Variants in ZSCAN20 observed in about 807,000 individuals in gnomAD.
ZSCAN20 encodes zinc finger and SCAN domain containing 20.
Under a neutral mutation model 97.1 loss-of-function variants are expected in ZSCAN20, and 39 were observed. That is an observed-to-expected ratio of 0.40 (90% CI 0.31 to 0.52). The LOEUF (loss-of-function observed/expected upper bound fraction) is 0.52, where lower values mean the gene tolerates loss of function less well. ZSCAN20 is among the 20% of genes least tolerant of loss of function. The pLI is 0.49. For synonymous variants in ZSCAN20, 456 were observed against 467.3 expected (o/e 0.98, Z 0.31); for missense variants, 1,115 against 1,290.4 (o/e 0.86, Z 2.08).
chr1:33,490,687 C>CAG (rs1652566782), intron 5 of ZSCAN20, among the ~76,000 whole-genome samples: 1 of 123,142 alleles, frequency 8.1e-6, no homozygotes, highest in Non-Finnish European at 1.8e-5. Context: ...ACACACACCA[C>CAG]ACACCCTTTT....
rs1018252983 is a variant in ZSCAN20 at position 33,488,671 on chromosome 1, T to C, written c.604+20T>C. Reference sequence around the variant, plus strand: ...AGAGTGGTGAGTACATCTGAGAACATTAGGGAATGAGGCCTTCTGCAGGGG... The same window carrying C: ...AGAGTGGTGAGTACATCTGAGAACACTAGGGAATGAGGCCTTCTGCAGGGG... On this transcript the variant is annotated intron_variant, in intron 3 of 7. Transcript: ENST00000684572. 6.3e-7 allele frequency: 1 copy of C among 1,599,588 alleles called. No homozygotes were observed. The highest frequency in any genetic ancestry group is 1.4e-5 in the African/African-American group (1 of 73,700).
intron 2 of ZSCAN20, among the ~76,000 whole-genome samples, chr1:33,485,585 T>TA (rs34203199): frequency 3.0e-3 from 57 of 18,922 alleles, no homozygotes; most frequent in South Asian, 0.011. Context: ...CTTTTGTATA[T>TA]TTTTTTTTTG....
At chr1:33,486,057 C>T (rs916780278) in intron 2 of ZSCAN20, among the ~76,000 whole-genome samples, 2 of 152,086 alleles carry the variant, frequency 1.3e-5, no homozygotes, top group African/African-American at 4.8e-5. Context: ...ATTTCTCTTC[C>T]GACAGTTAGG....
chr1:33,490,309 C>G (rs890386326), intron 5 of ZSCAN20, among the ~76,000 whole-genome samples: 1 of 152,188 alleles, frequency 6.6e-6, no homozygotes, highest in Non-Finnish European at 1.5e-5. Flanking sequence ...CCTTATACCT[C>G]TTTAAACCCT....
chr1:33,493,046 C>A lies in ZSCAN20; in HGVS notation c.1445-141C>A. The A allele has an allele frequency of 1.2e-6, 1 of 856,950 alleles. No individual in the cohort carries two copies. Among genetic ancestry groups the A allele is most frequent in the Non-Finnish European group, 1.8e-6 (1 of 566,938 alleles). 53.1% of individuals were successfully genotyped at this position (856,950 alleles called of 1,614,324 possible). ...GCTGTCCTAGCATGCCCCTGAGAAG[C>A]AAAGGGATATTCTCCAGGTACCTGG... On this transcript the variant is annotated intron_variant, in intron 6 of 7. Coordinates refer to ENST00000684572, the MANE Select transcript of ZSCAN20 (RefSeq NM_001377376.1). This position sits in a 1 kb window ranked among gnomAD's most constrained non-coding sequence, Gnocchi z 4.3.
Position 33,495,307 on chromosome 1 carries a change from A to C in ZSCAN20, c.2963A>C (p.Lys988Thr). ...ATTCATACGGGAGAGAAGCCGTATA[A>C]GTGCAGAGAGTGTGGGAAATGCTTT... ...QRIHTGEKPYKCRECGKCFNQ... is the reference protein window; with the variant it reads ...QRIHTGEKPYTCRECGKCFNQ... The change falls in exon 8 of 8, where the codon AAG (lysine) becomes ACG (threonine). Residue 988 changes from lysine to threonine, a missense_variant. Transcript: ENST00000684572. 6.2e-7 allele frequency: 1 copy of C among 1,612,850 alleles called. No individual in the cohort carries two copies. The highest frequency in any genetic ancestry group is 8.5e-7 in the Non-Finnish European group (1 of 1,179,268).
intron 2 of ZSCAN20, among the ~76,000 whole-genome samples, chr1:33,481,270 A>G (rs1652148101): frequency 6.6e-6 from 1 of 152,148 alleles, no homozygotes; most frequent in Admixed American, 6.5e-5. Context: ...TTAGGGCTTC[A>G]GAGTTGGGAC....
chr1:33,489,098 CT>C lies in ZSCAN20; in HGVS notation c.605-12del. On this transcript the variant is annotated splice_polypyrimidine_tract_variant and intron_variant, in intron 3 of 7. Coordinates refer to ENST00000684572, the MANE Select transcript of ZSCAN20 (RefSeq NM_001377376.1). ...GGAACCAGAGCTTGGGTTTCAGTGA[CT>C]TTTTCTTTTCCTCAGCTGTCCTCAC... 1 of 1,602,774 alleles carries C rather than the reference CT, an allele frequency of 6.2e-7. No individual in the cohort carries two copies. Among genetic ancestry groups the C allele is most frequent in the African/African-American group, 1.3e-5 (1 of 74,698 alleles).
chr1:33,474,713 G>C (rs1254326438), intron 1 of ZSCAN20, among the ~76,000 whole-genome samples: 1 of 152,094 alleles, frequency 6.6e-6, no homozygotes, highest in Non-Finnish European at 1.5e-5. Context: ...ATTTTGAGTT[G>C]GTTACCAACA....
chr1:33,482,157 A>G (rs1332692325), intron 2 of ZSCAN20, among the ~76,000 whole-genome samples: 1 of 152,228 alleles, frequency 6.6e-6, no homozygotes, highest in Non-Finnish European at 1.5e-5. Flanking sequence ...ACATAGTAAC[A>G]TGTATCTACC....
chr1:33,482,980 T>G (rs1196136684), intron 2 of ZSCAN20, among the ~76,000 whole-genome samples: 1 of 152,226 alleles, frequency 6.6e-6, no homozygotes, highest in Non-Finnish European at 1.5e-5. Context: ...ATCAGATATG[T>G]GTTTTGCAAA....
chr1:33,493,430 A>C lies in ZSCAN20; in HGVS notation c.1688A>C (p.Glu563Ala), dbSNP rs1652703804. ...CCACCAGGGACATGCCCTTTCTATG[A>C]GGAACTGGACTCGCTGATGAGGGCT... ...SHPPGTCPFY[E>A]ELDSLMRARA... The change falls in exon 7 of 8, where the codon GAG becomes GCG. Residue 563 changes from glutamate (E) to alanine (A), a missense_variant. Coordinates refer to ENST00000684572, the MANE Select transcript of ZSCAN20 (RefSeq NM_001377376.1). This position sits in a 1 kb window ranked among gnomAD's most constrained non-coding sequence, Gnocchi z 4.3. 6.2e-7 allele frequency: 1 copy of C among 1,614,178 alleles called. No homozygotes were observed.
chr1:33,491,956 A>G lies in ZSCAN20; in HGVS notation c.1444+254A>G. 2.7e-6 allele frequency: 1 copy of G among 365,558 alleles called. No individual in the cohort carries two copies. Among genetic ancestry groups the G allele is most frequent in the Non-Finnish European group, 4.9e-6 (1 of 204,362 alleles). 22.6% of individuals were successfully genotyped at this position (365,558 alleles called of 1,614,324 possible). The stretch of plus-strand genomic sequence containing the variant: ...CTCAAAGAGTGAATCCAGTATTTCC[A>G]AAAGTGTGTCACTGGTAGTATGGGA... On this transcript the variant is annotated intron_variant, in intron 6 of 7. Transcript: ENST00000684572. This position sits in a 1 kb window ranked among gnomAD's most constrained non-coding sequence, Gnocchi z 4.3.
rs761494083 is a variant in ZSCAN20 at position 33,494,357 on chromosome 1, T to C, written c.2013T>C (p.Asn671=). 6.2e-7 allele frequency: 1 copy of C among 1,613,960 alleles called. No homozygotes were observed. The highest frequency in any genetic ancestry group is 1.1e-5 in the South Asian group (1 of 91,066). Residue 671 remains asparagine, a synonymous_variant, in exon 8 of 8, where the codon AAT becomes AAC. Transcript: ENST00000684572. ...GGGGAGAAGACAGTGAAAATGAAAATGAAGATGAAGGGCAGTGGGGAAATC... is the reference window on the plus strand; with the variant it reads ...GGGGAGAAGACAGTGAAAATGAAAACGAAGATGAAGGGCAGTGGGGAAATC... The part of the protein sequence containing the change: ...LDWGEDSENE[N]EDEGQWGNPS...
chr1:33,493,036 C>A lies in ZSCAN20; in HGVS notation c.1445-151C>A. ...GCTCTGGCTGGCTGTCCTAGCATGC[C>A]CCTGAGAAGCAAAGGGATATTCTCC... is the stretch of plus-strand genomic sequence containing the variant. On this transcript the variant is annotated intron_variant, in intron 6 of 7. Coordinates refer to ENST00000684572, the MANE Select transcript of ZSCAN20 (RefSeq NM_001377376.1). This position sits in a 1 kb window ranked among gnomAD's most constrained non-coding sequence, Gnocchi z 4.3. The A allele has an allele frequency of 1.3e-6, 1 of 774,464 alleles. No individual in the cohort carries two copies. The highest frequency in any genetic ancestry group is 1.9e-5 in the South Asian group (1 of 52,672). 48.0% of individuals were successfully genotyped at this position (774,464 alleles called of 1,614,324 possible).
intron 1 of ZSCAN20, among the ~76,000 whole-genome samples, chr1:33,474,510 A>G (rs981679467): frequency 2.6e-5 from 4 of 152,192 alleles, no homozygotes; most frequent in African/African-American, 9.7e-5. Context: ...CTGTGTTTGT[A>G]AAGACATCTT....
At position 33,495,510 on chromosome 1, in the gene ZSCAN20, A is replaced by G. The variant is rs771523090; in HGVS notation, c.*34A>G. Reference sequence around the variant, plus strand: ...TTCCTCAACAACAAAGGAGGACTCAATGTATATATCTTATATCATAAGATG... The same window carrying G: ...TTCCTCAACAACAAAGGAGGACTCAGTGTATATATCTTATATCATAAGATG... On this transcript the variant is annotated 3_prime_UTR_variant, in exon 8 of 8. Transcript: ENST00000684572. 1.1e-5 allele frequency: 16 copies of G among 1,489,186 alleles called. No homozygotes were observed. The highest frequency in any genetic ancestry group is 1.8e-4 in the Middle Eastern group (1 of 5,558). 92.2% of individuals were successfully genotyped at this position (1,489,186 alleles called of 1,614,324 possible).
rs770233989 is a variant in ZSCAN20, at chr1:33,493,590, C to T, written c.1848C>T (p.Thr616=). 3 of 1,592,526 alleles carry T rather than the reference C, an allele frequency of 1.9e-6. No individual in the cohort carries two copies. Among genetic ancestry groups the T allele is most frequent in the South Asian group, 1.1e-5 (1 of 88,640 alleles). ...VANEDAVKPS[T]LCPKAPDMGF... is the part of the protein sequence containing the mutation. Reference sequence around the variant, plus strand: ...ATGAAGATGCTGTCAAACCTTCAACCTTGTGTCCTAAAGCCCCAGACATGG... The same window carrying T: ...ATGAAGATGCTGTCAAACCTTCAACTTTGTGTCCTAAAGCCCCAGACATGG... Residue 616 remains threonine, a synonymous_variant, in exon 7 of 8, where the codon ACC becomes ACT. Coordinates refer to ENST00000684572, the MANE Select transcript of ZSCAN20 (RefSeq NM_001377376.1). This position sits in a 1 kb window ranked among gnomAD's most constrained non-coding sequence, Gnocchi z 4.3.
intron 2 of ZSCAN20, among the ~76,000 whole-genome samples, chr1:33,483,161 C>A (rs1412425083): frequency 6.6e-6 from 1 of 151,342 alleles, no homozygotes; most frequent in Non-Finnish European, 1.5e-5. Context: ...TCTCAGTTTT[C>A]TCCTATATTT....
Sources: allele counts gnomAD v4.1 joint callset (sites outside exome capture counted in the v4.1 genomes callset), GRCh38; gene constraint gnomAD v4.1.1; non-coding constraint Gnocchi (gnomAD v3.1); transcripts MANE v1.5; gene names NCBI Gene and HGNC (gene_info 2026-07-23, HGNC 2026-07-21).